NWD1: variants seen among roughly 807,000 people sequenced by gnomAD.
NWD1 encodes the protein NACHT and WD repeat domain containing 1.
Under a neutral mutation model 135.1 loss-of-function variants are expected in NWD1, and 129 were observed. The observed-to-expected ratio is 0.96, with a 90% CI of 0.83 to 1.11. NWD1 has a LOEUF of 1.11. NWD1 is among the 50% of genes least tolerant of loss of function. The pLI is 0.00. For missense variants in NWD1, 1,740 were observed against 1,851.3 expected, an observed-to-expected ratio of 0.94 and a Z score of 1.10; for synonymous variants, 773 against 786.0, an observed-to-expected ratio of 0.98 and a Z score of 0.28.
At chr19:16,751,955 A>G (rs917107633) in intron 6 of NWD1, among the ~76,000 whole-genome samples, 1 of 151,658 alleles carries the variant, frequency 6.6e-6, no homozygotes, top group Non-Finnish European at 1.5e-5. Flanking sequence ...AAAGAAAAGA[A>G]GAAGGGAAGA....
At chr19:16,792,923 T>C (rs570735022) in intron 14 of NWD1, among the ~76,000 whole-genome samples, 21 of 147,742 alleles carry the variant, frequency 1.4e-4, no homozygotes, top group South Asian at 8.7e-4. Context: ...TGCATACTTG[T>C]ACTCCCAGCT....
chr19:16,808,829 C>T (rs1037395350), intron 18 of NWD1, among the ~76,000 whole-genome samples: 1 of 151,934 alleles, frequency 6.6e-6, no homozygotes, highest in African/African-American at 2.4e-5. Context: ...TGCAGTGGCT[C>T]ACCCGGCACT....
At chr19:16,808,229 C>A in intron 18 of NWD1, 93 bp downstream of exon 18, 3 of 1,200,348 alleles carry the variant, frequency 2.5e-6, no homozygotes, top group African/African-American at 1.5e-5. Context: ...CATGGGCCAT[C>A]GACCAGGATG....
At position 16,773,455 on chromosome 19, in the gene NWD1, C is replaced by T. The variant is rs544238521; in HGVS notation, c.2608+132C>T. On this transcript the variant is annotated intron_variant, in intron 11 of 18. Coordinates refer to ENST00000524140, the MANE Select transcript of NWD1 (RefSeq NM_001007525.5). Reference sequence around the variant, plus strand: ...GGAGGCCCCAAGCTTGCCATCAGAGCCTGCCCCTGCTGTCTCATGCTGAAT... The same window carrying T: ...GGAGGCCCCAAGCTTGCCATCAGAGTCTGCCCCTGCTGTCTCATGCTGAAT... 3.0e-4 allele frequency: 203 copies of T among 686,250 alleles called. 1 individual carries two copies. Among genetic ancestry groups the T allele is most frequent in the Admixed American group, 4.1e-4 (16 of 38,652 alleles). The allele number at this position is 686,250 out of a possible 1,614,324, so 42.5% of individuals were successfully genotyped here.
intron 18 of NWD1, among the ~76,000 whole-genome samples, chr19:16,812,359 C>T (rs1277125416): frequency 6.6e-6 from 1 of 151,614 alleles, no homozygotes; most frequent in Non-Finnish European, 1.5e-5. Flanking sequence ...GGGTGTCTTT[C>T]AGTTTGGAAT....
intron 5 of NWD1, among the ~76,000 whole-genome samples, chr19:16,747,039 C>CTTT (rs202225653): frequency 3.6e-5 from 5 of 138,014 alleles, no homozygotes; most frequent in African/African-American, 8.0e-5. Context: ...CTTTTTCTTT[C>CTTT]TTTTTTTTTT....
chr19:16,770,439 G>C (rs1397578705), intron 10 of NWD1, among the ~76,000 whole-genome samples: 4 of 152,190 alleles, frequency 2.6e-5, no homozygotes, highest in Admixed American at 1.3e-4. Context: ...CAGAACTGTA[G>C]GTCAATTAAA....
intron 12 of NWD1, among the ~76,000 whole-genome samples, chr19:16,780,912 T>A (rs1969831840): frequency 6.6e-6 from 1 of 152,096 alleles, no homozygotes; most frequent in Non-Finnish European, 1.5e-5. Context: ...TCTCGCCTTG[T>A]CCTTCCAAAG....
At chr19:16,754,271 C>T (rs917148173) in intron 6 of NWD1, among the ~76,000 whole-genome samples, 3 of 148,336 alleles carry the variant, frequency 2.0e-5, no homozygotes, top group South Asian at 2.2e-4. Flanking sequence ...TATCCATCAT[C>T]TCTATATTCC....
intron 10 of NWD1, among the ~76,000 whole-genome samples, chr19:16,771,696 G>C (rs1355882463): frequency 6.6e-6 from 1 of 152,146 alleles, no homozygotes; most frequent in Non-Finnish European, 1.5e-5. Flanking sequence ...CCCAGCACAA[G>C]GAGGAGGTGT....
At chr19:16,785,700 AC>A (rs1970014895) in intron 12 of NWD1, among the ~76,000 whole-genome samples, 1 of 149,248 alleles carries the variant, frequency 6.7e-6, no homozygotes, top group African/African-American at 2.4e-5. Context: ...TGTATGTAAA[AC>A]ATAATATATA....
intron 4 of NWD1, among the ~76,000 whole-genome samples, chr19:16,741,098 T>A (rs1229206176): frequency 6.6e-6 from 1 of 152,094 alleles, no homozygotes; most frequent in Admixed American, 6.6e-5. Context: ...AGGCAGAGGT[T>A]GCAGTGAGCC....
At chr19:16,798,997 G>C (rs1970511211) in intron 16 of NWD1, among the ~76,000 whole-genome samples, 1 of 150,636 alleles carries the variant, frequency 6.6e-6, no homozygotes, top group African/African-American at 2.4e-5. Flanking sequence ...AAGGTTTACA[G>C]GGCACCCTCT....
Position 16,750,349 on chromosome 19 carries a change from C to T in NWD1, c.1707C>T (p.Arg569=). Reference sequence around the variant, plus strand: ...AAGCCACGCACCAACTCTGCACCCGCCTGGAGCAGACACACGGGCAGCTCC... The same window carrying T: ...AAGCCACGCACCAACTCTGCACCCGTCTGGAGCAGACACACGGGCAGCTCC... ...AEEATHQLCT[R]LEQTHGQLLV... The change falls in exon 6 of 19, where the codon CGC becomes CGT. Residue 569 remains arginine (R), a synonymous_variant. Coordinates refer to ENST00000524140, the MANE Select transcript of NWD1 (RefSeq NM_001007525.5). The T allele has an allele frequency of 6.2e-7, 1 of 1,611,500 alleles. No homozygotes were observed. The highest frequency in any genetic ancestry group is 1.1e-5 in the South Asian group (1 of 90,966).
At chr19:16,737,168 C>T (rs1323321267) in intron 4 of NWD1, among the ~76,000 whole-genome samples, 1 of 152,070 alleles carries the variant, frequency 6.6e-6, no homozygotes, top group East Asian at 1.9e-4. Flanking sequence ...GGGACTTCTC[C>T]CCTCTCTCTT....
intron 4 of NWD1, 106 bp downstream of exon 4, chr19:16,736,856 C>G (rs967657720): frequency 2.8e-6 from 2 of 721,676 alleles, no homozygotes; most frequent in Non-Finnish European, 4.9e-6. Flanking sequence ...TTTCTGCTTT[C>G]GTACCTTATC....
chr19:16,734,492 G>A (rs1181631951), intron 3 of NWD1, among the ~76,000 whole-genome samples: 5 of 148,874 alleles, frequency 3.4e-5, no homozygotes, highest in East Asian at 2.0e-4. Flanking sequence ...CCAAGATTGC[G>A]CCACTGCACT....
intron 4 of NWD1, among the ~76,000 whole-genome samples, chr19:16,742,101 G>A (rs766990913): frequency 1.6e-4 from 24 of 150,902 alleles, no homozygotes; most frequent in Non-Finnish European, 3.4e-4. Flanking sequence ...TAGGCCAGGC[G>A]CAGTGGCTCA....
chr19:16,755,793 C>T (rs1200838841), intron 6 of NWD1, among the ~76,000 whole-genome samples: 1 of 152,088 alleles, frequency 6.6e-6, no homozygotes, highest in Non-Finnish European at 1.5e-5. Context: ...CCACCTTGGC[C>T]TCCCAAAGTG....
Sources: allele counts gnomAD v4.1 joint callset (sites outside exome capture counted in the v4.1 genomes callset), GRCh38; gene constraint gnomAD v4.1.1; transcripts MANE v1.5; gene names NCBI Gene and HGNC (gene_info 2026-07-23, HGNC 2026-07-21).